PDE2A: variants seen among roughly 807,000 people sequenced by gnomAD.
The protein encoded by PDE2A is cGMP-dependent 3',5'-cyclic phosphodiesterase.
In PDE2A, 53 loss-of-function variants were observed where a neutral mutation model predicts 133.6. That is an observed-to-expected ratio of 0.40 (90% CI 0.32 to 0.50). PDE2A has a LOEUF of 0.50. PDE2A is among the 20% of genes least tolerant of loss of function. The pLI is 0.73. For missense variants in PDE2A, 796 were observed against 1,232.4 expected, an observed-to-expected ratio of 0.65 and a Z score of 5.30; for synonymous variants, 491 against 490.2, an observed-to-expected ratio of 1.00 and a Z score of -0.02.
intron 2 of PDE2A, among the ~76,000 whole-genome samples, chr11:72,639,359 A>AG (rs529551141): frequency 7.5e-4 from 114 of 152,266 alleles, no homozygotes; most frequent in African/African-American, 2.6e-3. Flanking sequence ...AGAAGGGGCG[A>AG]GGGCAGGTGA....
chr11:72,632,827 C>G (rs186894969), intron 2 of PDE2A, among the ~76,000 whole-genome samples: 2 of 151,818 alleles, frequency 1.3e-5, no homozygotes, highest in Non-Finnish European at 2.9e-5. Flanking sequence ...AGCAGAGGCA[C>G]TGCCCGGAGG....
Position 72,578,266 on chromosome 11 carries a change from C to G in PDE2A, c.2582G>C (p.Ser861Thr). Residue 861 changes from serine (S) to threonine (T), a missense_variant, in exon 30 of 31, where the codon AGC (serine) becomes ACC (threonine). Physicochemically the swap from Ser to Thr is moderately conservative, Grantham distance 58. Transcript: ENST00000334456. This position sits in a 1 kb window ranked among gnomAD's most constrained non-coding sequence, Gnocchi z 4.2. ...GGGCATTGCAATGTGCTCCATGAAGCTGATTTGCAGCTCAGGGATATAGGC... is the reference window on the plus strand; with the variant it reads ...GGGCATTGCAATGTGCTCCATGAAGGTGATTTGCAGCTCAGGGATATAGGC... ...EKAYIPELQI[S>T]FMEHIAMPIY... 1.9e-6 allele frequency: 3 copies of G among 1,613,240 alleles called. No homozygotes were observed. Among genetic ancestry groups the G allele is most frequent in the Non-Finnish European group, 2.5e-6 (3 of 1,179,238 alleles).
At chr11:72,652,124 A>G (rs2135449181) in intron 1 of PDE2A, among the ~76,000 whole-genome samples, 1 of 152,344 alleles carries the variant, frequency 6.6e-6, no homozygotes, top group Non-Finnish European at 1.5e-5. Context: ...AGTAGGGAGC[A>G]GCATGAGAAT....
intron 2 of PDE2A, among the ~76,000 whole-genome samples, chr11:72,612,238 G>A (rs1163683271): frequency 6.6e-6 from 1 of 150,434 alleles, no homozygotes; most frequent in Non-Finnish European, 1.5e-5. Context: ...TATATTCAAT[G>A]CATATACAAG....
chr11:72,673,404 C>CACACAT (rs1278401178), intron 1 of PDE2A, among the ~76,000 whole-genome samples: 1 of 151,282 alleles, frequency 6.6e-6, no homozygotes, highest in Non-Finnish European at 1.5e-5. Context: ...TGTATACACA[C>CACACAT]ACACACACAC....
chr11:72,610,788 C>T (rs1215695960), intron 2 of PDE2A, among the ~76,000 whole-genome samples: 2 of 152,208 alleles, frequency 1.3e-5, no homozygotes, highest in Non-Finnish European at 2.9e-5. Context: ...CCCACGTCCT[C>T]GCAGACATCC....
intron 4 of PDE2A, among the ~76,000 whole-genome samples, chr11:72,603,162 C>G (rs1384482177): frequency 6.6e-6 from 1 of 152,240 alleles, no homozygotes; most frequent in Non-Finnish European, 1.5e-5. Flanking sequence ...GCTGTCCTCA[C>G]TCTCTTGCCT....
At chr11:72,668,614 G>A (rs1164239981) in intron 1 of PDE2A, among the ~76,000 whole-genome samples, 1 of 152,244 alleles carries the variant, frequency 6.6e-6, no homozygotes, top group Non-Finnish European at 1.5e-5. Flanking sequence ...AGCAGGGTGT[G>A]GATTTGGATC....
intron 1 of PDE2A, among the ~76,000 whole-genome samples, chr11:72,671,721 T>C (rs889459041): frequency 9.9e-5 from 15 of 152,110 alleles, no homozygotes; most frequent in Non-Finnish European, 1.9e-4. Flanking sequence ...GAGAATGATA[T>C]TGAGGGTCAG....
At chr11:72,614,507 CA>C (rs1202580655) in intron 2 of PDE2A, among the ~76,000 whole-genome samples, 2 of 152,192 alleles carry the variant, frequency 1.3e-5, no homozygotes, top group East Asian at 3.9e-4. Context: ...CCCCAATTTT[CA>C]TGTGCACCAG....
chr11:72,603,131 T>C (rs1486144140), intron 4 of PDE2A, among the ~76,000 whole-genome samples: 3 of 152,136 alleles, frequency 2.0e-5, no homozygotes, highest in Non-Finnish European at 4.4e-5. Flanking sequence ...TGATGATGGG[T>C]ATGTCCCCTG....
At chr11:72,584,154 GC>G in intron 19 of PDE2A, 46 bp downstream of exon 19, 1 of 848,774 alleles carries the variant, frequency 1.2e-6, no homozygotes, top group Non-Finnish European at 1.9e-6. Flanking sequence ...TCCTTCGTGG[GC>G]CCCGCCCCCT....
At chr11:72,606,750 C>A (rs1856986580) in intron 3 of PDE2A, among the ~76,000 whole-genome samples, 1 of 152,182 alleles carries the variant, frequency 6.6e-6, no homozygotes, top group South Asian at 2.1e-4. Flanking sequence ...AAGAGACCAG[C>A]CGGGGTTACA....
intron 2 of PDE2A, among the ~76,000 whole-genome samples, chr11:72,638,497 C>T: frequency 6.6e-6 from 1 of 152,126 alleles, no homozygotes; most frequent in Non-Finnish European, 1.5e-5. Flanking sequence ...ACATGCGGAG[C>T]CCCACAGAAC....
intron 2 of PDE2A, among the ~76,000 whole-genome samples, chr11:72,633,271 C>T (rs1440255632): frequency 6.6e-6 from 1 of 152,174 alleles, no homozygotes; most frequent in East Asian, 1.9e-4. Context: ...CTCAGCCTCT[C>T]ATCTGTCACC....
At chr11:72,663,393 G>A (rs1309523900) in intron 1 of PDE2A, among the ~76,000 whole-genome samples, 1 of 152,218 alleles carries the variant, frequency 6.6e-6, no homozygotes, top group Admixed American at 6.5e-5. Flanking sequence ...AGTAGATAAT[G>A]CGCATATGAG....
intron 1 of PDE2A, among the ~76,000 whole-genome samples, chr11:72,667,627 C>A (rs949518387): frequency 7.9e-5 from 12 of 152,152 alleles, no homozygotes; most frequent in South Asian, 6.2e-4. Context: ...TGTGACAGCA[C>A]CCCCTTCTGG....
intron 2 of PDE2A, among the ~76,000 whole-genome samples, chr11:72,626,113 G>A (rs577970501): frequency 2.0e-5 from 3 of 152,380 alleles, no homozygotes; most frequent in African/African-American, 4.8e-5. Context: ...GGCCTTGCCC[G>A]CGAGCCTGGC....
Position 72,578,831 on chromosome 11 carries a change from C to T in PDE2A, c.2469+66G>A. Reference sequence around the variant, plus strand: ...GCTGAGCAGAGAGAGGGTATTCAGGCACAGGGGGCACCCAAAGCTGGGCAG... The same window carrying T: ...GCTGAGCAGAGAGAGGGTATTCAGGTACAGGGGGCACCCAAAGCTGGGCAG... On this transcript the variant is annotated intron_variant, in intron 28 of 30. Coordinates refer to ENST00000334456, the MANE Select transcript of PDE2A (RefSeq NM_002599.5). The surrounding 1 kb of genome is among the most constrained non-coding windows in gnomAD (Gnocchi z 4.2). 1.0e-6 allele frequency: 1 copy of T among 964,612 alleles called. No individual in the cohort carries two copies. The highest frequency in any genetic ancestry group is 1.7e-6 in the Non-Finnish European group (1 of 597,772). 59.8% of individuals were successfully genotyped at this position (964,612 alleles called of 1,614,324 possible).
Sources: allele counts gnomAD v4.1 joint callset (sites outside exome capture counted in the v4.1 genomes callset), GRCh38; gene constraint gnomAD v4.1.1; non-coding constraint Gnocchi (gnomAD v3.1); transcripts MANE v1.5; gene names NCBI Gene and HGNC (gene_info 2026-07-23, HGNC 2026-07-21).